The following IGSF21 variants were observed in gnomAD, a reference collection of about 807,000 sequenced individuals.
IGSF21 encodes immunoglobin superfamily member 21, also known as immunoglobulin superfamily member 21.
IGSF21 carries 28 observed loss-of-function variants against 46.8 expected under a neutral mutation model. The ratio of observed to expected loss-of-function variants is 0.60; its 90% CI spans 0.44 to 0.82. The LOEUF is 0.82. IGSF21 is among the 40% of genes least tolerant of loss of function. IGSF21 has a pLI of 0.00. For missense variants in IGSF21, 624 were observed against 665.5 expected (o/e 0.94, Z 0.69); for synonymous variants, 284 against 273.6 (o/e 1.04, Z -0.38).
chr1:18,245,626 T>A (rs2084776807), intron 2 of IGSF21, among the ~76,000 whole-genome samples: 1 of 152,232 alleles, frequency 6.6e-6, no homozygotes, highest in Non-Finnish European at 1.5e-5. Flanking sequence ...CCCCAGCTGA[T>A]ATTTTTGTTT....
intron 3 of IGSF21, among the ~76,000 whole-genome samples, chr1:18,323,125 A>T (rs2085620852): frequency 6.6e-6 from 1 of 152,144 alleles, no homozygotes; most frequent in Admixed American, 6.5e-5. Context: ...TCTTGGGGTA[A>T]TTCAACATTG....
intron 1 of IGSF21, among the ~76,000 whole-genome samples, chr1:18,142,103 A>C (rs915420763): frequency 6.6e-6 from 1 of 152,212 alleles, no homozygotes; most frequent in Non-Finnish European, 1.5e-5. Context: ...TATATAAAAT[A>C]AAGCACAGTT....
chr1:18,278,701 A>C (rs575405392), intron 2 of IGSF21: 1 of 393,458 alleles, frequency 2.5e-6, no homozygotes. Flanking sequence ...CTACAGGCAC[A>C]TACCACCATG....
chr1:18,178,795 G>A (rs988708083), intron 1 of IGSF21, among the ~76,000 whole-genome samples: 5 of 149,962 alleles, frequency 3.3e-5, no homozygotes, highest in Non-Finnish European at 7.4e-5. Context: ...CCCAGAGGAC[G>A]GGTCTGTGCC....
intron 1 of IGSF21, among the ~76,000 whole-genome samples, chr1:18,196,489 A>G (rs564202647): frequency 1.3e-5 from 2 of 152,306 alleles, no homozygotes; most frequent in South Asian, 4.2e-4. Flanking sequence ...AGATGTCAGC[A>G]GGAGAGCCCA....
intron 3 of IGSF21, among the ~76,000 whole-genome samples, chr1:18,305,626 G>A (rs1003835328): frequency 6.6e-6 from 1 of 151,492 alleles, no homozygotes; most frequent in African/African-American, 2.4e-5. Context: ...GGATGGATGA[G>A]CTTCCAGATG....
chr1:18,187,924 A>C (rs1363612332), intron 1 of IGSF21, among the ~76,000 whole-genome samples: 1 of 152,176 alleles, frequency 6.6e-6, no homozygotes, highest in South Asian at 2.1e-4. Context: ...CAAATGGATA[A>C]ATGAATGAAT....
intron 3 of IGSF21, among the ~76,000 whole-genome samples, chr1:18,305,181 G>GGGAT (rs77556898): frequency 0.52 from 78,657 of 149,960 alleles, 22,235 homozygotes; most frequent in East Asian, 0.77. Context: ...GATAGGGAAG[G>GGGAT]GGATGGATGG....
chr1:18,257,119 AG>A (rs2124532968), intron 2 of IGSF21, among the ~76,000 whole-genome samples: 1 of 152,352 alleles, frequency 6.6e-6, no homozygotes, highest in African/African-American at 2.4e-5. Context: ...CTGATGGGCC[AG>A]GGCAGTCAAG....
rs182834219 is a variant in IGSF21, at chr1:18,189,367, G to A, written c.71-38531G>A. On this transcript the variant is annotated intron_variant, in intron 1 of 9. Transcript: ENST00000251296. ...TTGTGCTGGGCACCATGGTGCAGCCGTCTCCAACCTTTTTGGCACCAGGAA... is the reference window on the plus strand; with the variant it reads ...TTGTGCTGGGCACCATGGTGCAGCCATCTCCAACCTTTTTGGCACCAGGAA... Among the ~76,000 whole-genome samples the A allele has an allele frequency of 3.7e-4, 56 of 152,266 alleles. No homozygotes were observed. The East Asian group carries it at 4.6e-3, about 13-fold the overall frequency.
At chr1:18,147,189 A>C (rs976756397) in intron 1 of IGSF21, among the ~76,000 whole-genome samples, 1 of 152,068 alleles carries the variant, frequency 6.6e-6, no homozygotes, top group Non-Finnish European at 1.5e-5. Context: ...TAAAATGTAA[A>C]TCAGATCCAG....
chr1:18,247,310 G>C (rs1213148623), intron 2 of IGSF21, among the ~76,000 whole-genome samples: 4 of 152,070 alleles, frequency 2.6e-5, no homozygotes, highest in Non-Finnish European at 5.9e-5. Context: ...ACTGTGCTGG[G>C]GATTGAAGGA....
At chr1:18,207,376 G>T (rs572986369) in intron 1 of IGSF21, among the ~76,000 whole-genome samples, 42 of 152,292 alleles carry the variant, frequency 2.8e-4, no homozygotes, top group African/African-American at 9.4e-4. Flanking sequence ...CATATTCATA[G>T]GTTCTGGTGA....
intron 1 of IGSF21, among the ~76,000 whole-genome samples, chr1:18,138,737 A>T (rs969235320): frequency 7.9e-5 from 12 of 152,204 alleles, no homozygotes; most frequent in African/African-American, 2.7e-4. Context: ...TTAGGTAAAG[A>T]AGTGCAAGAT....
intron 1 of IGSF21, chr1:18,114,494 T>A (rs903674570): frequency 6.6e-5 from 10 of 152,224 alleles, no homozygotes; most frequent in Non-Finnish European, 1.0e-4. Context: ...GCTTATAGCA[T>A]GTGGAATTGA....
At chr1:18,213,824 C>T (rs1321291419) in intron 1 of IGSF21, among the ~76,000 whole-genome samples, 2 of 152,164 alleles carry the variant, frequency 1.3e-5, no homozygotes, top group Admixed American at 6.5e-5. Context: ...CCACAGGAAT[C>T]CCTCTCATCA....
At chr1:18,242,209 G>T (rs1038612445) in intron 2 of IGSF21, among the ~76,000 whole-genome samples, 1 of 152,198 alleles carries the variant, frequency 6.6e-6, no homozygotes, top group African/African-American at 2.4e-5. Context: ...GATGACACAG[G>T]CAGCATGGTT....
At chr1:18,224,039 C>G (rs1212841912) in intron 1 of IGSF21, among the ~76,000 whole-genome samples, 1 of 152,164 alleles carries the variant, frequency 6.6e-6, no homozygotes, top group Non-Finnish European at 1.5e-5. Flanking sequence ...AGGACTCCAG[C>G]AGGGCTGAGA....
intron 2 of IGSF21, among the ~76,000 whole-genome samples, chr1:18,264,189 G>A (rs1014979614): frequency 6.6e-6 from 1 of 152,126 alleles, no homozygotes; most frequent in African/African-American, 2.4e-5. Context: ...TCTGTATGAG[G>A]GGATGGCCCT....
Sources: gnomAD v4.1 joint callset for allele counts (sites outside exome capture counted in the v4.1 genomes callset) on GRCh38, gnomAD v4.1.1 for gene constraint, MANE v1.5 for transcripts, NCBI Gene and HGNC (gene_info 2026-07-23, HGNC 2026-07-21) for gene names.